The following MTOR variants were observed in gnomAD, a reference collection of about 807,000 sequenced individuals.
MTOR encodes the protein mechanistic target of rapamycin kinase.
A neutral mutation model predicts 319.8 loss-of-function variants in MTOR; 70 were observed. The observed-to-expected ratio is 0.22, with a 90% CI of 0.18 to 0.27. The LOEUF (loss-of-function observed/expected upper bound fraction) is 0.27, where lower values mean the gene tolerates loss of function less well. Among genes scored for constraint, MTOR ranks in the 10% least tolerant of loss-of-function variants. The pLI is 1.00. For missense variants in MTOR, 1,890 were observed against 3,274.4 expected (o/e 0.58, Z 10.32); for synonymous variants, 1,183 against 1,211.4 (o/e 0.98, Z 0.49).
chr1:11,124,586 G>A lies in MTOR; in HGVS notation c.6574C>T (p.Leu2192=), dbSNP rs763786592. ...FVFLLKGHED[L]RQDERVMQLF... ...TGCATCACACGCTCATCCTGGCGCA[G>A]ATCTTCATGGCCTTTTAGAAGGAAA... is the stretch of plus-strand genomic sequence containing the variant. Residue 2192 remains leucine (L), a synonymous_variant, in exon 47 of 58, where the codon CTG becomes TTG. Coordinates refer to ENST00000361445, the MANE Select transcript of MTOR (RefSeq NM_004958.4). 4.4e-5 allele frequency: 71 copies of A among 1,612,660 alleles called. No homozygotes were observed. Among genetic ancestry groups the A allele is most frequent in the Non-Finnish European group, 5.6e-5 (66 of 1,178,684 alleles).
intron 34 of MTOR, chr1:11,144,443 G>C (rs558604293): frequency 1.7e-5 from 9 of 528,326 alleles, no homozygotes; most frequent in Non-Finnish European, 3.1e-5. Context: ...AATAAGAAGA[G>C]ACTGGAAAAT....
intron 31 of MTOR, 32 bp from the exon 32 acceptor site, chr1:11,146,823 A>G: frequency 2.6e-6 from 4 of 1,556,894 alleles, no homozygotes; most frequent in Non-Finnish European, 3.5e-6. Flanking sequence ...GAAAGCATCA[A>G]GGGGGTTGGC....
At chr1:11,141,419 A>G (rs1387164369) in intron 34 of MTOR, among the ~76,000 whole-genome samples, 1 of 152,014 alleles carries the variant, frequency 6.6e-6, no homozygotes, top group African/African-American at 2.4e-5. Flanking sequence ...CCCAGGCTGG[A>G]GTGCAGTGGC....
chr1:11,134,660 T>G (rs767703811), intron 36 of MTOR, among the ~76,000 whole-genome samples, 194 bp from the exon 37 acceptor site: 1 of 152,222 alleles, frequency 6.6e-6, no homozygotes, highest in Non-Finnish European at 1.5e-5. Flanking sequence ...AAAAGATTCA[T>G]GACTTATTCA....
At chr1:11,224,366 A>T (rs1344922845) in intron 19 of MTOR, among the ~76,000 whole-genome samples, 2 of 152,228 alleles carry the variant, frequency 1.3e-5, no homozygotes, top group East Asian at 3.8e-4. Flanking sequence ...GAGTCAACTT[A>T]CCAGGAAGAT....
chr1:11,168,757 G>C (rs1644722942), intron 28 of MTOR, among the ~76,000 whole-genome samples: 1 of 152,188 alleles, frequency 6.6e-6, no homozygotes, highest in Non-Finnish European at 1.5e-5. Context: ...GCCTGCAGTT[G>C]GTTCATCAGA....
In MTOR at chr1:11,247,788, GA is replaced by G. The variant is rs748136346; in HGVS notation, c.1116+30del. On this transcript the variant is annotated intron_variant, in intron 7 of 57. Coordinates refer to ENST00000361445, the MANE Select transcript of MTOR (RefSeq NM_004958.4). ...GGGAAAAGTGAGGTGTGGAGCTTAG[GA>G]AAAGAGGGAAAGGGCCTCTCACCAC... is the stretch of plus-strand genomic sequence containing the variant. 2.5e-6 allele frequency: 4 copies of G among 1,612,376 alleles called. No homozygotes were observed. In the South Asian group the frequency reaches 3.3e-5, roughly 13 times the overall value.
intron 6 of MTOR, among the ~76,000 whole-genome samples, chr1:11,249,549 G>A (rs1649320047): frequency 1.4e-5 from 2 of 146,430 alleles, no homozygotes; most frequent in South Asian, 4.6e-4. Flanking sequence ...GGTTTTCCTA[G>A]GCAGAGGACC....
At chr1:11,257,747 C>A (rs1171283010) in intron 3 of MTOR, among the ~76,000 whole-genome samples, 1 of 152,066 alleles carries the variant, frequency 6.6e-6, no homozygotes, top group Non-Finnish European at 1.5e-5. Flanking sequence ...CCCCTACCCC[C>A]CAAAAAGGGA....
intron 28 of MTOR, among the ~76,000 whole-genome samples, chr1:11,179,458 T>C (rs6674994): frequency 0.57 from 87,179 of 152,156 alleles, 29,327 homozygotes; most frequent in East Asian, 0.8. Flanking sequence ...AGTTTAGGGA[T>C]ACCACTGAAA....
chr1:11,123,553 C>T (rs1396397495), intron 47 of MTOR, among the ~76,000 whole-genome samples: 1 of 152,022 alleles, frequency 6.6e-6, no homozygotes, highest in Admixed American at 6.6e-5. Context: ...ACTGCAGCCT[C>T]AACCAACTGG....
rs1557475700 is a variant in MTOR at position 11,243,235 on chromosome 1, T to C, written c.1291A>G (p.Thr431Ala). The C allele has an allele frequency of 1.2e-6, 2 of 1,614,220 alleles. No individual in the cohort carries two copies. The highest frequency in any genetic ancestry group is 1.1e-5 in the South Asian group (1 of 91,086). Residue 431 changes from threonine (T) to alanine (A), a missense_variant, in exon 9 of 58, where the codon ACA becomes GCA. Physicochemically the swap from Thr to Ala is moderately conservative, Grantham distance 58 (BLOSUM62 0). Coordinates refer to ENST00000361445, the MANE Select transcript of MTOR (RefSeq NM_004958.4). Reference sequence around the variant, plus strand: ...AGCCCCAGGGCTTGGAAGGCCGCTGTACGTTCCTTCTCCTTCTTGACACAG... The same window carrying C: ...AGCCCCAGGGCTTGGAAGGCCGCTGCACGTTCCTTCTCCTTCTTGACACAG... ...LSCVKKEKERTAAFQALGLLS... is the reference protein window; with the variant it reads ...LSCVKKEKERAAAFQALGLLS...
At position 11,228,503 on chromosome 1, in the gene MTOR, A is replaced by G. The variant is rs1231238320; in HGVS notation, c.3030+165T>C. ...TGCACCTGGCCCTTTTAGCCAGGACACTGGAGTGAGCTGATTGTACACTTT... is the reference window on the plus strand; with the variant it reads ...TGCACCTGGCCCTTTTAGCCAGGACGCTGGAGTGAGCTGATTGTACACTTT... On this transcript the variant is annotated intron_variant, in intron 19 of 57. Coordinates refer to ENST00000361445, the MANE Select transcript of MTOR (RefSeq NM_004958.4). Among the ~76,000 whole-genome samples, 3 of 152,114 alleles carry G rather than the reference A, an allele frequency of 2.0e-5. No individual in the cohort carries two copies. In the East Asian group the frequency reaches 5.8e-4, roughly 29 times the overall value.
intron 49 of MTOR, among the ~76,000 whole-genome samples, chr1:11,118,510 C>G (rs1390964316): frequency 1.3e-5 from 2 of 151,640 alleles, no homozygotes; most frequent in African/African-American, 4.8e-5. Context: ...GCTGGGATTA[C>G]AGGCGTGAAC....
intron 28 of MTOR, chr1:11,194,315 C>T: frequency 1.3e-6 from 1 of 769,594 alleles, no homozygotes; most frequent in Non-Finnish European, 2.1e-6. Flanking sequence ...ACACAGTAAA[C>T]TGGAGGTAAA....
At chr1:11,122,194 C>T (rs2100365040) in intron 47 of MTOR, 68 bp from the exon 48 acceptor site, 7 of 1,547,582 alleles carry the variant, frequency 4.5e-6, no homozygotes, top group Non-Finnish European at 6.1e-6. Context: ...GCTCAGAACA[C>T]AGGCAGACTG....
chr1:11,150,339 T>A (rs1439485246), intron 30 of MTOR, 113 bp from the exon 31 acceptor site: 2 of 788,374 alleles, frequency 2.5e-6, no homozygotes, highest in Non-Finnish European at 4.0e-6. Flanking sequence ...ACACCTTTAA[T>A]AAAAAAGCAC....
intron 26 of MTOR, among the ~76,000 whole-genome samples, chr1:11,201,573 C>T (rs549786102): frequency 6.6e-6 from 1 of 151,970 alleles, no homozygotes; most frequent in African/African-American, 2.4e-5. Context: ...AATTAAATCA[C>T]CATTTTATGC....
intron 53 of MTOR, among the ~76,000 whole-genome samples, chr1:11,113,469 C>T (rs753967985): frequency 5.3e-5 from 8 of 152,218 alleles, no homozygotes; most frequent in Non-Finnish European, 1.2e-4. Flanking sequence ...TGCAATGTAT[C>T]CCAGGCTGCA....
Sources: gnomAD v4.1 joint callset for allele counts (sites outside exome capture counted in the v4.1 genomes callset) on GRCh38, gnomAD v4.1.1 for gene constraint, MANE v1.5 for transcripts, NCBI Gene and HGNC (gene_info 2026-07-23, HGNC 2026-07-21) for gene names.